Variants in ETFA observed in about 807,000 individuals in gnomAD.
ETFA encodes the protein electron transfer flavoprotein subunit alpha, mitochondrial.
ETFA carries 22 observed loss-of-function variants against 46.2 expected under a neutral mutation model. That is an observed-to-expected ratio of 0.48 (90% CI 0.34 to 0.68). ETFA has a LOEUF of 0.68. ETFA is among the 30% of genes least tolerant of loss of function. The pLI is 0.01. For missense variants in ETFA, 345 were observed against 401.1 expected (o/e 0.86, Z 1.19); for synonymous variants, 131 against 139.9 (o/e 0.94, Z 0.45).
At chr15:76,227,557 TA>T (rs1226967941) in intron 10 of ETFA, among the ~76,000 whole-genome samples, 2 of 149,772 alleles carry the variant, frequency 1.3e-5, no homozygotes, top group East Asian at 3.9e-4. Flanking sequence ...ATCATTCTTT[TA>T]TTAATATCAG....
chr15:76,258,127 A>G (rs1342062400), intron 9 of ETFA, among the ~76,000 whole-genome samples: 1 of 152,008 alleles, frequency 6.6e-6, no homozygotes, highest in East Asian at 1.9e-4. Context: ...ATATGTAACT[A>G]AATTGCACAT....
intron 9 of ETFA, among the ~76,000 whole-genome samples, chr15:76,269,533 C>T (rs952352071): frequency 1.3e-5 from 2 of 152,188 alleles, no homozygotes; most frequent in Admixed American, 6.5e-5. Flanking sequence ...AATAGCATGG[C>T]CTCCCAGAGC....
chr15:76,227,932 G>C (rs923927261), intron 10 of ETFA: 1 of 455,964 alleles, frequency 2.2e-6, no homozygotes, highest in Non-Finnish European at 4.4e-6. Flanking sequence ...CACACATTAA[G>C]ATGCATAGTC....
intron 9 of ETFA, among the ~76,000 whole-genome samples, chr15:76,244,654 G>C (rs1407549766): frequency 2.1e-5 from 3 of 140,342 alleles, no homozygotes; most frequent in South Asian, 2.7e-4. Flanking sequence ...AAATACATTG[G>C]TTTTTATAGG....
At chr15:76,303,197 C>A (rs997050182) in intron 1 of ETFA, among the ~76,000 whole-genome samples, 2 of 151,964 alleles carry the variant, frequency 1.3e-5, no homozygotes, top group Non-Finnish European at 2.9e-5. Context: ...AATCCCAGCT[C>A]TTCCGAAGGC....
intron 9 of ETFA, among the ~76,000 whole-genome samples, chr15:76,266,210 T>C (rs930485378): frequency 1.3e-5 from 2 of 152,160 alleles, no homozygotes; most frequent in African/African-American, 4.8e-5. Context: ...TAGCCTCTTA[T>C]AGTGATAGAT....
chr15:76,221,908 A>G (rs1253694912), intron 11 of ETFA, among the ~76,000 whole-genome samples: 2 of 152,196 alleles, frequency 1.3e-5, no homozygotes, highest in Non-Finnish European at 2.9e-5. Context: ...TGTTATGCAT[A>G]TTCATTTTTA....
intron 1 of ETFA, chr15:76,310,189 T>G (rs2039980886): frequency 6.5e-6 from 1 of 154,548 alleles, no homozygotes; most frequent in Non-Finnish European, 1.4e-5. Context: ...ACGGTTGCAG[T>G]GAGCCCATAT....
chr15:76,301,485 T>C (rs371872205), intron 1 of ETFA, among the ~76,000 whole-genome samples: 4 of 152,200 alleles, frequency 2.6e-5, no homozygotes, highest in Non-Finnish European at 4.4e-5. Flanking sequence ...CCGAGGCCGA[T>C]GGATCACCTG....
At chr15:76,265,092 G>A (rs2039456877) in intron 9 of ETFA, among the ~76,000 whole-genome samples, 1 of 152,228 alleles carries the variant, frequency 6.6e-6, no homozygotes, top group South Asian at 2.1e-4. Flanking sequence ...ACAGCAGACA[G>A]TGCTGCCATA....
intron 4 of ETFA, among the ~76,000 whole-genome samples, chr15:76,288,716 GAA>G (rs201904436): frequency 1.7e-5 from 2 of 116,780 alleles, no homozygotes; most frequent in Non-Finnish European, 3.8e-5. Context: ...TGCCTCAAAA[GAA>G]AAAAAAAAAA....
intron 9 of ETFA, among the ~76,000 whole-genome samples, chr15:76,233,325 CTTTTTT>C (rs66595585): frequency 0.01 from 868 of 84,500 alleles, 9 homozygotes; most frequent in African/African-American, 0.038. Context: ...ATTCAATAGG[CTTTTTT>C]TTTTTTTTTT....
At chr15:76,235,615 A>C (rs1196303947) in intron 9 of ETFA, among the ~76,000 whole-genome samples, 1 of 152,202 alleles carries the variant, frequency 6.6e-6, no homozygotes, top group Admixed American at 6.5e-5. Context: ...TAATATAAAG[A>C]TGACTAATTC....
intron 8 of ETFA, among the ~76,000 whole-genome samples, chr15:76,281,673 G>A (rs909634274): frequency 4.6e-5 from 7 of 151,820 alleles, no homozygotes; most frequent in Admixed American, 1.3e-4. Flanking sequence ...GTGATTACAG[G>A]CGTAAGCCAC....
Position 76,311,334 on chromosome 15 carries a change from C to G in ETFA, c.39+16G>C. ...GGGGGGCCGTCCCTGGGTTCGCCTTCCCAGTCCGGACTCACCGCCCGCCGG... is the reference window on the plus strand; with the variant it reads ...GGGGGGCCGTCCCTGGGTTCGCCTTGCCAGTCCGGACTCACCGCCCGCCGG... On this transcript the variant is annotated intron_variant, in intron 1 of 11. Transcript: ENST00000557943. 1 of 1,555,536 alleles carries G rather than the reference C, an allele frequency of 6.4e-7. No homozygotes were observed. Among genetic ancestry groups the G allele is most frequent in the Non-Finnish European group, 8.7e-7 (1 of 1,150,062 alleles).
chr15:76,250,222 GA>G (rs11445780), intron 9 of ETFA, among the ~76,000 whole-genome samples: 1 of 151,616 alleles, frequency 6.6e-6, no homozygotes, highest in Non-Finnish European at 1.5e-5. Context: ...AAGATGGATT[GA>G]AAAAAAGATA....
At chr15:76,280,328 C>A (rs1192161532) in intron 8 of ETFA, among the ~76,000 whole-genome samples, 1 of 152,186 alleles carries the variant, frequency 6.6e-6, no homozygotes, top group Non-Finnish European at 1.5e-5. Context: ...CTTATCTCAG[C>A]TAACTGTAAC....
chr15:76,280,090 C>T lies in ETFA; in HGVS notation c.733+3667G>A, dbSNP rs141370611. 5.0e-4 allele frequency among the ~76,000 whole-genome samples: 76 copies of T among 152,054 alleles called. 1 individual carries two copies. Among genetic ancestry groups the T allele is most frequent in the African/African-American group, 1.5e-3 (63 of 41,484 alleles). On this transcript the variant is annotated intron_variant, in intron 8 of 11. Transcript: ENST00000557943. The stretch of plus-strand genomic sequence containing the variant: ...GGGACCTCTTTTTTTATCTACACTC[C>T]CTCCCTTGGTAATTTCATCCAGTCT...
At chr15:76,254,217 C>A (rs558239936) in intron 9 of ETFA, among the ~76,000 whole-genome samples, 3 of 152,310 alleles carry the variant, frequency 2.0e-5, no homozygotes, top group African/African-American at 7.2e-5. Context: ...ACTGCCAAAC[C>A]AGCTGGAAAG....
Sources: gnomAD v4.1 joint callset for allele counts (sites outside exome capture counted in the v4.1 genomes callset) on GRCh38, gnomAD v4.1.1 for gene constraint, MANE v1.5 for transcripts, NCBI Gene and HGNC (gene_info 2026-07-23, HGNC 2026-07-21) for gene names.